The following DYNC1H1 variants were observed in gnomAD, a reference collection of about 807,000 sequenced individuals.
DYNC1H1 encodes cytoplasmic dynein 1 heavy chain 1.
In DYNC1H1, 51 loss-of-function variants were observed where a neutral mutation model predicts 527.1. That is an observed-to-expected ratio of 0.10 (90% CI 0.08 to 0.12). The LOEUF (loss-of-function observed/expected upper bound fraction) is 0.12. Among genes scored for constraint, DYNC1H1 ranks in the 10% least tolerant of loss-of-function variants. The probability of loss-of-function intolerance (pLI) is 1.00; values close to 1 mark genes in which losing one functional copy is unlikely to be tolerated. For synonymous variants in DYNC1H1, 2,189 were observed against 2,278.8 expected (o/e 0.96, Z 1.12); for missense variants, 2,771 against 5,971.8 (o/e 0.46, Z 17.66).
At chr14:101,992,513 A>G (rs2048009055) in intron 11 of DYNC1H1, among the ~76,000 whole-genome samples, 1 of 152,158 alleles carries the variant, frequency 6.6e-6, no homozygotes, top group Admixed American at 6.5e-5. Flanking sequence ...GCTTATCTCC[A>G]AATTTAACAA....
chr14:102,041,626 C>G lies in DYNC1H1; in HGVS notation c.11994C>G (p.Pro3998=). The G allele has an allele frequency of 6.2e-7, 1 of 1,614,214 alleles. No homozygotes were observed. Among genetic ancestry groups the G allele is most frequent in the African/African-American group, 1.3e-5 (1 of 75,068 alleles). Residue 3998 remains proline (P), a synonymous_variant, in exon 65 of 78, where the codon CCC becomes CCG. Transcript: ENST00000360184. This position sits in a 1 kb window ranked among gnomAD's most constrained non-coding sequence, Gnocchi z 4.5. ...TGCTCCTGATCCAGGCTTTCCGGCC[C>G]GATCGCCTGTTGGCCATGGCCCACA... ...HRLLLIQAFR[P]DRLLAMAHMF...
Position 102,001,981 on chromosome 14 carries a change from C to T in DYNC1H1, c.4542+300C>T, listed in dbSNP as rs1034273513. Among the ~76,000 whole-genome samples, 6 of 152,202 alleles carry T rather than the reference C, an allele frequency of 3.9e-5. No homozygotes were observed. Among genetic ancestry groups the T allele is most frequent in the African/African-American group, 1.4e-4 (6 of 41,454 alleles). On this transcript the variant is annotated intron_variant, in intron 21 of 77. Transcript: ENST00000360184. The surrounding 1 kb of genome is among the most constrained non-coding windows in gnomAD (Gnocchi z 5.0). ...AGAGACAGCATCTCACTATATTGCC[C>T]AGGCTGGTCTCGAACTCCTGGGCTT...
At chr14:101,974,524 T>C (rs764968692) in intron 1 of DYNC1H1, among the ~76,000 whole-genome samples, 4 of 152,246 alleles carry the variant, frequency 2.6e-5, no homozygotes, top group Non-Finnish European at 4.4e-5. Flanking sequence ...GCAAAGATAA[T>C]TTGACTAGAA....
chr14:102,014,737 T>A (rs147762036), intron 34 of DYNC1H1, among the ~76,000 whole-genome samples: 3 of 152,286 alleles, frequency 2.0e-5, no homozygotes, highest in African/African-American at 7.2e-5. Context: ...CACACACTTG[T>A]CCTGCCCAGA....
chr14:101,980,495 T>A lies in DYNC1H1; in HGVS notation c.906T>A (p.Asp302Glu). Residue 302 changes from aspartate to glutamate, a missense_variant, in exon 5 of 78, where the codon GAT becomes GAA. Coordinates refer to ENST00000360184, the MANE Select transcript of DYNC1H1 (RefSeq NM_001376.5). Reference sequence around the variant, plus strand: ...GCCCGGAAGTTCTCCTGACTCTGGATATCTTGAAACATGGCAAGCGCTTCC... The same window carrying A: ...GCCCGGAAGTTCTCCTGACTCTGGAAATCTTGAAACATGGCAAGCGCTTCC... ...RESPEVLLTL[D>E]ILKHGKRFHA... The A allele has an allele frequency of 6.2e-7, 1 of 1,614,226 alleles. No homozygotes were observed. Among genetic ancestry groups the A allele is most frequent in the South Asian group, 1.1e-5 (1 of 91,088 alleles).
chr14:101,985,293 A>G lies in DYNC1H1; in HGVS notation c.1462-394A>G, dbSNP rs943518428. 6.6e-6 allele frequency among the ~76,000 whole-genome samples: 1 copy of G among 152,014 alleles called. No individual in the cohort carries two copies. The highest frequency in any genetic ancestry group is 1.5e-5 in the Non-Finnish European group (1 of 67,994). ...AATTAAATGACTAATTTCTTTATATATATTTTTTTCTCTTCTGAATTTATC... is the reference window on the plus strand; with the variant it reads ...AATTAAATGACTAATTTCTTTATATGTATTTTTTTCTCTTCTGAATTTATC... On this transcript the variant is annotated intron_variant, in intron 7 of 77. Coordinates refer to ENST00000360184, the MANE Select transcript of DYNC1H1 (RefSeq NM_001376.5). This position sits in a 1 kb window ranked among gnomAD's most constrained non-coding sequence, Gnocchi z 5.9.
chr14:102,047,718 A>G, intron 72 of DYNC1H1, 99 bp from the exon 73 acceptor site: 3 of 1,456,730 alleles, frequency 2.1e-6, no homozygotes, highest in Non-Finnish European at 2.8e-6. Flanking sequence ...GTGTGGACTC[A>G]CTCACCATGT....
At chr14:101,966,886 A>C (rs1040824946) in intron 1 of DYNC1H1, among the ~76,000 whole-genome samples, 1 of 152,178 alleles carries the variant, frequency 6.6e-6, no homozygotes, top group Non-Finnish European at 1.5e-5. Context: ...CTGTTGTCTT[A>C]TGAGTACCTT....
rs2048369153 is a variant in DYNC1H1, at chr14:102,020,186, C to A, written c.8507+130C>A. On this transcript the variant is annotated intron_variant, in intron 42 of 77. Transcript: ENST00000360184. The surrounding 1 kb of genome is among the most constrained non-coding windows in gnomAD (Gnocchi z 4.3). ...CAGGTGGTGCCAGTGGTGGAAGGAG[C>A]AGAGTCAGCCAGGGCAGCCTCCCGT... is the stretch of plus-strand genomic sequence containing the variant. 1.6e-6 allele frequency: 2 copies of A among 1,278,338 alleles called. No individual in the cohort carries two copies. Among genetic ancestry groups the A allele is most frequent in the East Asian group, 2.5e-5 (1 of 39,492 alleles). The allele number at this position is 1,278,338 out of a possible 1,614,324, so 79.2% of individuals were successfully genotyped here.
At chr14:101,995,908 C>T (rs1444307160) in intron 15 of DYNC1H1, among the ~76,000 whole-genome samples, 2 of 151,554 alleles carry the variant, frequency 1.3e-5, no homozygotes, top group African/African-American at 2.4e-5. Flanking sequence ...AAAAAATATA[C>T]AAAAAATTAC....
chr14:102,032,125 A>T, intron 51 of DYNC1H1, 147 bp from the exon 52 acceptor site: 3 of 905,824 alleles, frequency 3.3e-6, no homozygotes, highest in Non-Finnish European at 5.5e-6. Flanking sequence ...AATACAGAAA[A>T]GTCTCTCATT....
In DYNC1H1 at chr14:102,000,079, A is replaced by G. The variant is rs2141285043; in HGVS notation, c.3895A>G (p.Lys1299Glu). ...GAAGGACGACAGAGAGAAGTGTGCAAAGGCCAAGGAGGCGCTGGAATTGAC... is the reference window on the plus strand; with the variant it reads ...GAAGGACGACAGAGAGAAGTGTGCAGAGGCCAAGGAGGCGCTGGAATTGAC... ...RLKDDREKCA[K>E]AKEALELTDT... Residue 1299 changes from lysine to glutamate, a missense_variant, in exon 17 of 78, where the codon AAG (lysine) becomes GAG (glutamate). This residue lies in a region of DYNC1H1 where 223 missense variants were observed against 462.5 expected (regional missense o/e 0.48). Transcript: ENST00000360184. The G allele has an allele frequency of 6.2e-7, 1 of 1,614,158 alleles. No individual in the cohort carries two copies. Among genetic ancestry groups the G allele is most frequent in the Non-Finnish European group, 8.5e-7 (1 of 1,180,024 alleles).
intron 28 of DYNC1H1, 31 bp from the exon 29 acceptor site, chr14:102,008,147 G>A: frequency 6.2e-7 from 1 of 1,612,684 alleles, no homozygotes; most frequent in South Asian, 1.1e-5. Context: ...ACAGCAGGTG[G>A]TTTTAGCGCC....
In DYNC1H1 at chr14:102,051,353, CA is replaced by C. The variant is rs2048808324; in HGVS notation, c.*791del. 6.6e-6 allele frequency: 1 copy of C among 151,858 alleles called. No homozygotes were observed. The highest frequency in any genetic ancestry group is 2.4e-5 in the African/African-American group (1 of 41,252). The allele number at this position is 151,858 out of a possible 1,614,324, so 9.4% of individuals were successfully genotyped here. A position where few individuals can be genotyped will look rare whatever the true frequency, so the allele number is the denominator to read the frequency against. Reference sequence around the variant, plus strand: ...TCACCAAATTAGCCGGGCATGGTGGCACATGCCTGTAATCCCAGCTACTCGG... The same window carrying C: ...TCACCAAATTAGCCGGGCATGGTGGCCATGCCTGTAATCCCAGCTACTCGG... On this transcript the variant is annotated 3_prime_UTR_variant, in exon 78 of 78. Transcript: ENST00000360184.
chr14:102,000,479 G>T lies in DYNC1H1; in HGVS notation c.4074+80G>T, dbSNP rs1439059049. ...TTTAGGAACGTGACAAGCCAAGTTT[G>T]TGTATTTGTATTGTGAGTTCATAAG... On this transcript the variant is annotated intron_variant, in intron 18 of 77. Coordinates refer to ENST00000360184, the MANE Select transcript of DYNC1H1 (RefSeq NM_001376.5). The T allele has an allele frequency of 8.2e-6, 11 of 1,336,976 alleles. No individual in the cohort carries two copies. The African/African-American group carries it at 1.6e-4, about 19-fold the overall frequency. 82.8% of individuals were successfully genotyped at this position (1,336,976 alleles called of 1,614,324 possible). A position where few individuals can be genotyped will look rare whatever the true frequency, so the allele number is the denominator to read the frequency against.
At chr14:101,994,877 G>A in intron 13 of DYNC1H1, 28 bp downstream of exon 13, 1 of 1,614,128 alleles carries the variant, frequency 6.2e-7, no homozygotes, top group Non-Finnish European at 8.5e-7. Flanking sequence ...GTTGAAAGGT[G>A]TCACGGGTAG....
chr14:102,022,154 C>T (rs1481863453), intron 42 of DYNC1H1, among the ~76,000 whole-genome samples: 1 of 151,338 alleles, frequency 6.6e-6, no homozygotes, highest in Admixed American at 6.6e-5. Context: ...TAAGTAAGAT[C>T]GCGCCACTGC....
intron 18 of DYNC1H1, 94 bp downstream of exon 18, chr14:102,000,493 T>C: frequency 8.6e-7 from 1 of 1,160,028 alleles, no homozygotes; most frequent in Non-Finnish European, 1.3e-6. Context: ...ATTTGTATTG[T>C]GAGTTCATAA....
Position 102,036,428 on chromosome 14 carries a change from C to G in DYNC1H1, c.10755-61C>G. ...GTCTCTCATCAGGGACTCGGCTAAC[C>G]GTGATCCTGTGCTTTCCCCATTCGG... On this transcript the variant is annotated intron_variant, in intron 56 of 77. Transcript: ENST00000360184. The surrounding 1 kb of genome is among the most constrained non-coding windows in gnomAD (Gnocchi z 5.6). The G allele has an allele frequency of 6.2e-7, 1 of 1,607,062 alleles. No homozygotes were observed.
Sources: gnomAD v4.1 joint callset for allele counts (sites outside exome capture counted in the v4.1 genomes callset) on GRCh38, gnomAD v4.1.1 for gene constraint, gnomAD v4.1.1 regional missense constraint, Gnocchi (gnomAD v3.1) non-coding constraint, MANE v1.5 for transcripts, NCBI Gene and HGNC (gene_info 2026-07-23, HGNC 2026-07-21) for gene names.